The following SLC16A1 variants were observed in gnomAD, a reference collection of about 807,000 sequenced individuals.
SLC16A1 encodes the protein monocarboxylate transporter 1.
Under a neutral mutation model 32.2 loss-of-function variants are expected in SLC16A1, and 11 were observed. That is an observed-to-expected ratio of 0.34 (90% CI 0.21 to 0.56). The LOEUF (loss-of-function observed/expected upper bound fraction) is 0.56. Among genes scored for constraint, SLC16A1 ranks in the 20% least tolerant of loss-of-function variants. The pLI, the probability that SLC16A1 is intolerant of heterozygous loss-of-function variation, is 0.87. For missense variants in SLC16A1, 435 were observed against 615.0 expected, an observed-to-expected ratio of 0.71 and a Z score of 3.10; for synonymous variants, 231 against 226.8, an observed-to-expected ratio of 1.02 and a Z score of -0.17.
At chr1:112,928,943 A>T in intron 2 of SLC16A1, 149 bp downstream of exon 2, 1 of 650,598 alleles carries the variant, frequency 1.5e-6, no homozygotes, top group Non-Finnish European at 2.7e-6. Flanking sequence ...ATCAGGAATG[A>T]AAAATGTGAC....
chr1:112,943,183 C>T (rs1649568915), intron 1 of SLC16A1, among the ~76,000 whole-genome samples: 1 of 152,284 alleles, frequency 6.6e-6, no homozygotes, highest in East Asian at 1.9e-4. Flanking sequence ...TAAGTACCCA[C>T]ATCAGTACAA....
At chr1:112,949,118 A>G (rs1377440559) in intron 1 of SLC16A1, among the ~76,000 whole-genome samples, 1 of 151,802 alleles carries the variant, frequency 6.6e-6, no homozygotes, top group Non-Finnish European at 1.5e-5. Context: ...GCACTCCCAA[A>G]GTGCTGGGAT....
intron 3 of SLC16A1, among the ~76,000 whole-genome samples, chr1:112,918,914 G>C (rs533089118): frequency 6.6e-6 from 1 of 152,146 alleles, no homozygotes; most frequent in African/African-American, 2.4e-5. Context: ...AAACTTTCCT[G>C]AGAGATCAGA....
intron 3 of SLC16A1, among the ~76,000 whole-genome samples, chr1:112,918,618 T>A (rs79226673): frequency 0.049 from 7,437 of 152,172 alleles, 616 homozygotes; most frequent in African/African-American, 0.17. Context: ...TTGGGCAGCA[T>A]AGCAAGACCT....
Position 112,922,032 on chromosome 1 carries a change from T to A in SLC16A1, c.319A>T (p.Asn107Tyr), listed in dbSNP as rs147231435. The A allele has an allele frequency of 6.2e-7, 1 of 1,614,050 alleles. No individual in the cohort carries two copies. Among genetic ancestry groups the A allele is most frequent in the Non-Finnish European group, 8.5e-7 (1 of 1,180,030 alleles). Residue 107 changes from asparagine (N) to tyrosine (Y), a missense_variant, in exon 3 of 5, where the codon AAC becomes TAC. Asn to Tyr is a moderately radical substitution (Grantham distance 143, BLOSUM62 -2). Transcript: ENST00000369626. ...GCGLIAASFCNTVQQLYVCIG... is the reference protein window; with the variant it reads ...GCGLIAASFCYTVQQLYVCIG... ...CAGACGTATAGTTGCTGTACGGTGT[T>A]ACAGAAAGAAGCTGCAATCAAGCCA...
At position 112,952,298 on chromosome 1, in the gene SLC16A1, T is replaced by C. The variant is rs139741899; in HGVS notation, c.-45+3737A>G. On this transcript the variant is annotated intron_variant, in intron 1 of 4. Transcript: ENST00000369626. ...TGCAAACATAATTGCGGTTTTTCAA[T>C]TGCCATTGAAAGTAATGGCAAAAAC... Among the ~76,000 whole-genome samples, 14 of 152,310 alleles carry C rather than the reference T, an allele frequency of 9.2e-5. No individual in the cohort carries two copies. In the East Asian group the frequency reaches 2.5e-3, roughly 27 times the overall value.
At chr1:112,941,037 G>T (rs938693821) in intron 1 of SLC16A1, among the ~76,000 whole-genome samples, 1 of 152,068 alleles carries the variant, frequency 6.6e-6, no homozygotes, top group Non-Finnish European at 1.5e-5. Flanking sequence ...AATACAAGAT[G>T]GGGGAGAAGT....
rs534957750 is a variant in SLC16A1 at position 112,929,417 on chromosome 1, A to G, written c.-44-65T>C. On this transcript the variant is annotated intron_variant, in intron 1 of 4. Transcript: ENST00000369626. The stretch of plus-strand genomic sequence containing the variant: ...CACACCTATAAAACTCTTTTGTGAA[A>G]TAAGAAATATAGCCAATCGTGGTGG... The G allele has an allele frequency of 2.3e-5, 21 of 895,126 alleles. No homozygotes were observed. The African/African-American group carries it at 3.3e-4, about 14-fold the overall frequency. 55.4% of individuals were successfully genotyped at this position (895,126 alleles called of 1,614,324 possible).
At chr1:112,951,822 T>C (rs1384739134) in intron 1 of SLC16A1, among the ~76,000 whole-genome samples, 1 of 152,158 alleles carries the variant, frequency 6.6e-6, no homozygotes, top group Non-Finnish European at 1.5e-5. Context: ...CTCAATAACA[T>C]AGCATATTGT....
chr1:112,923,259 C>A (rs1385961654), intron 2 of SLC16A1, among the ~76,000 whole-genome samples: 1 of 37,902 alleles, frequency 2.6e-5, no homozygotes, highest in African/African-American at 3.1e-4. Flanking sequence ...GTGGAGGTTG[C>A]GGTGAGCCAT....
chr1:112,915,178 G>A (rs1318856837), intron 4 of SLC16A1, among the ~76,000 whole-genome samples: 1 of 152,208 alleles, frequency 6.6e-6, no homozygotes, highest in African/African-American at 2.4e-5. Flanking sequence ...CAGTTCAGTG[G>A]ACAAGAGATG....
chr1:112,917,672 A>G lies in SLC16A1; in HGVS notation c.734T>C (p.Val245Ala), dbSNP rs1557844185. 2 of 1,614,226 alleles carry G rather than the reference A, an allele frequency of 1.2e-6. No individual in the cohort carries two copies. The highest frequency in any genetic ancestry group is 1.7e-5 in the Admixed American group (1 of 60,022). Residue 245 changes from valine (V) to alanine (A), a missense_variant, in exon 4 of 5, where the codon GTC (valine) becomes GCC (alanine). By Grantham distance (64) the Val-to-Ala change is moderately conservative. Transcript: ENST00000369626. The surrounding 1 kb of genome is among the most constrained non-coding windows in gnomAD (Gnocchi z 4.1). Reference protein sequence around the residue: ...GRHPKQEKRSVFQTINQFLDL... With the variant: ...GRHPKQEKRSAFQTINQFLDL... ...CAGGAACTGATTAATTGTTTGGAAG[A>G]CTGATCGTTTCTCTTGTTTAGGGTG...
At position 112,913,809 on chromosome 1, in the gene SLC16A1, C is replaced by T; in HGVS notation, c.*82G>A. On this transcript the variant is annotated 3_prime_UTR_variant, in exon 5 of 5. Transcript: ENST00000369626. ...AATGTCTACTATTTGCATTGAGCAC[C>T]ACTGGTAGATTACAGGCCAGTAGAA... The T allele has an allele frequency of 6.7e-7, 1 of 1,498,352 alleles. No individual in the cohort carries two copies. Among genetic ancestry groups the T allele is most frequent in the South Asian group, 1.1e-5 (1 of 88,458 alleles). 92.8% of individuals were successfully genotyped at this position (1,498,352 alleles called of 1,614,324 possible).
At chr1:112,941,708 C>T (rs546079094) in intron 1 of SLC16A1, among the ~76,000 whole-genome samples, 1 of 152,272 alleles carries the variant, frequency 6.6e-6, no homozygotes, top group Admixed American at 6.5e-5. Flanking sequence ...TCTACAGGAC[C>T]ATAAAACATA....
chr1:112,922,369 A>G, intron 2 of SLC16A1: 1 of 550,234 alleles, frequency 1.8e-6, no homozygotes, highest in Non-Finnish European at 3.2e-6. Context: ...CTAAAATACA[A>G]AAGACCTGAA....
At position 112,917,059 on chromosome 1, in the gene SLC16A1, A is replaced by C; in HGVS notation, c.1228+119T>G. 7.8e-7 allele frequency: 1 copy of C among 1,274,196 alleles called. No individual in the cohort carries two copies. Among genetic ancestry groups the C allele is most frequent in the East Asian group, 2.5e-5 (1 of 40,772 alleles). 78.9% of individuals were successfully genotyped at this position (1,274,196 alleles called of 1,614,324 possible). ...AGCATTGTCCCAGCATCAAGGGTAC[A>C]TAAATGAGAAAGATTTATTCTTACC... On this transcript the variant is annotated intron_variant, in intron 4 of 4. Coordinates refer to ENST00000369626, the MANE Select transcript of SLC16A1 (RefSeq NM_003051.4). The surrounding 1 kb of genome is among the most constrained non-coding windows in gnomAD (Gnocchi z 4.1).
intron 1 of SLC16A1, among the ~76,000 whole-genome samples, chr1:112,945,758 C>T (rs901838539): frequency 6.6e-6 from 1 of 151,960 alleles, no homozygotes; most frequent in African/African-American, 2.4e-5. Context: ...TTTGAGAGGC[C>T]GAGGCAGACA....
At chr1:112,938,530 C>A (rs1031679156) in intron 1 of SLC16A1, among the ~76,000 whole-genome samples, 1 of 152,172 alleles carries the variant, frequency 6.6e-6, no homozygotes, top group Non-Finnish European at 1.5e-5. Context: ...TCAGCAATTA[C>A]GAAATGCATA....
At chr1:112,927,754 AGT>A (rs1378142649) in intron 2 of SLC16A1, among the ~76,000 whole-genome samples, 1 of 152,232 alleles carries the variant, frequency 6.6e-6, no homozygotes, top group East Asian at 1.9e-4. Context: ...CCCAAAGGAA[AGT>A]GTCATGTGCA....
Sources: gnomAD v4.1 joint callset for allele counts (sites outside exome capture counted in the v4.1 genomes callset) on GRCh38, gnomAD v4.1.1 for gene constraint, Gnocchi (gnomAD v3.1) non-coding constraint, MANE v1.5 for transcripts, NCBI Gene and HGNC (gene_info 2026-07-23, HGNC 2026-07-21) for gene names.